The following ENKUR variants were observed in gnomAD, a reference collection of about 807,000 sequenced individuals.
ENKUR encodes the protein enkurin.
A neutral mutation model predicts 27.6 loss-of-function variants in ENKUR; 19 were observed. That is an observed-to-expected ratio of 0.69 (90% CI 0.48 to 1.01). ENKUR has a LOEUF of 1.01. ENKUR is among the 50% of genes least tolerant of loss of function. The pLI, the probability that ENKUR is intolerant of heterozygous loss-of-function variation, is 0.00. For synonymous variants in ENKUR, 117 were observed against 96.9 expected, an observed-to-expected ratio of 1.21 and a Z score of -1.22; for missense variants, 312 against 310.5, an observed-to-expected ratio of 1.00 and a Z score of -0.04.
rs5783912 is a variant in ENKUR at position 24,984,382 on chromosome 10, G to GAAAAAA, written c.765-12_765-7dup. ...TGTGCTGTTGGTATCATGCGCTGCA[G>GAAAAAA]AAAAAAAAAAAAAAAAGTGAAGTTC... On this transcript the variant is annotated splice_polypyrimidine_tract_variant and splice_region_variant and intron_variant, in intron 5 of 5. Coordinates refer to ENST00000331161, the MANE Select transcript of ENKUR (RefSeq NM_145010.4). 1.1e-4 allele frequency: 152 copies of GAAAAAA among 1,398,088 alleles called. No individual in the cohort carries two copies. The highest frequency in any genetic ancestry group is 5.2e-4 in the South Asian group (33 of 63,456). 86.6% of individuals were successfully genotyped at this position (1,398,088 alleles called of 1,614,324 possible).
At chr10:25,000,805 T>C (rs16925223) in intron 1 of ENKUR, among the ~76,000 whole-genome samples, 4,396 of 152,246 alleles carry the variant, frequency 0.029, 226 homozygotes, top group East Asian at 0.24. Context: ...GCTTAAAGTT[T>C]CCAGCTTGCT....
chr10:24,999,674 A>C, intron 1 of ENKUR, 128 bp from the exon 2 acceptor site: 1 of 856,202 alleles, frequency 1.2e-6, no homozygotes, highest in Non-Finnish European at 1.8e-6. Context: ...GCATAATCAT[A>C]AAACATACTT....
At chr10:25,033,825 G>GTA (rs912241465) in intron 2 of ENKUR, among the ~76,000 whole-genome samples, 4 of 148,732 alleles carry the variant, frequency 2.7e-5, no homozygotes, top group East Asian at 2.0e-4. Context: ...GTGTGTGTGT[G>GTA]TCTATCTATC....
At chr10:25,053,203 C>A (rs1030923380) in intron 2 of ENKUR, among the ~76,000 whole-genome samples, 1 of 151,916 alleles carries the variant, frequency 6.6e-6, no homozygotes, top group Non-Finnish European at 1.5e-5. Context: ...TTATGCAGCA[C>A]AAAGTGACAT....
intron 2 of ENKUR, among the ~76,000 whole-genome samples, chr10:25,038,687 T>C (rs1851032236): frequency 6.6e-6 from 1 of 152,230 alleles, no homozygotes; most frequent in Non-Finnish European, 1.5e-5. Context: ...GCAATGATTT[T>C]AATGTAACCA....
At chr10:25,013,767 ACCCCAT>A (rs1850503899) in intron 1 of ENKUR, among the ~76,000 whole-genome samples, 1 of 152,084 alleles carries the variant, frequency 6.6e-6, no homozygotes, top group Non-Finnish European at 1.5e-5. Context: ...CCATGGTGAA[ACCCCAT>A]CCCTACTAAA....
intron 2 of ENKUR, among the ~76,000 whole-genome samples, chr10:25,052,584 C>T (rs1270637414): frequency 2.6e-5 from 4 of 151,932 alleles, no homozygotes; most frequent in Non-Finnish European, 5.9e-5. Flanking sequence ...CTGGGAAACA[C>T]AGTGAGACAT....
intron 2 of ENKUR, among the ~76,000 whole-genome samples, chr10:25,054,840 C>A (rs1397087358): frequency 6.6e-6 from 1 of 151,818 alleles, no homozygotes; most frequent in Non-Finnish European, 1.5e-5. Context: ...CAAAGCCTGG[C>A]TAGTTTTTGT....
At chr10:24,993,944 G>C (rs1183514867) in intron 3 of ENKUR, among the ~76,000 whole-genome samples, 1 of 152,186 alleles carries the variant, frequency 6.6e-6, no homozygotes, top group Non-Finnish European at 1.5e-5. Flanking sequence ...AGAGCCATGA[G>C]AGTGAGTTTT....
upstream of ENKUR, among the ~76,000 whole-genome samples, chr10:25,019,788 G>A (rs984945799): frequency 6.6e-5 from 10 of 152,084 alleles, no homozygotes; most frequent in East Asian, 1.9e-3. Flanking sequence ...AAGACCAAAA[G>A]CCTTGGAGTG....
At chr10:25,025,375 A>T in intron 2 of ENKUR, 2 of 1,614,266 alleles carry the variant, frequency 1.2e-6, no homozygotes, top group Non-Finnish European at 1.7e-6. Flanking sequence ...GCAAGAGAAG[A>T]TGGAGTACCA....
chr10:25,019,004 G>C (rs10828740), upstream of ENKUR, among the ~76,000 whole-genome samples: 29 of 152,082 alleles, frequency 1.9e-4, no homozygotes, highest in Admixed American at 7.2e-4. Flanking sequence ...CCTCACCTCT[G>C]TTTCATGGCA....
chr10:25,036,238 C>G (rs1220667025), intron 2 of ENKUR, among the ~76,000 whole-genome samples: 1 of 152,142 alleles, frequency 6.6e-6, no homozygotes, highest in African/African-American at 2.4e-5. Context: ...ATACTGTTCT[C>G]ATGGTAGTAA....
intron 4 of ENKUR, among the ~76,000 whole-genome samples, chr10:24,985,249 A>G (rs754932110): frequency 5.3e-5 from 8 of 152,214 alleles, no homozygotes; most frequent in Non-Finnish European, 1.0e-4. Context: ...ACAACTTAGA[A>G]TGATATCCTC....
intron 2 of ENKUR, among the ~76,000 whole-genome samples, chr10:25,043,659 C>G (rs1851089103): frequency 6.6e-6 from 1 of 152,064 alleles, no homozygotes; most frequent in African/African-American, 2.4e-5. Context: ...TTTTCAGACA[C>G]TATTTTTTCA....
chr10:25,029,668 A>AT (rs1164723229), intron 2 of ENKUR, among the ~76,000 whole-genome samples: 2 of 152,168 alleles, frequency 1.3e-5, no homozygotes, highest in Non-Finnish European at 2.9e-5. Context: ...TGTAGGCCTC[A>AT]TCTGTGCACT....
chr10:24,993,852 CAG>C (rs1264253651), intron 3 of ENKUR, among the ~76,000 whole-genome samples: 5 of 152,108 alleles, frequency 3.3e-5, no homozygotes, highest in Non-Finnish European at 5.9e-5. Flanking sequence ...AAGGGAGGGG[CAG>C]AGTGTGTGAC....
chr10:24,984,536 G>C, intron 5 of ENKUR, 160 bp from the exon 6 acceptor site: 1 of 1,125,170 alleles, frequency 8.9e-7, no homozygotes, highest in Admixed American at 3.0e-5. Flanking sequence ...TGTGGAAAAC[G>C]TGACACTAGT....
chr10:25,028,512 T>TG (rs1850896236), intron 2 of ENKUR, among the ~76,000 whole-genome samples: 1 of 152,216 alleles, frequency 6.6e-6, no homozygotes, highest in African/African-American at 2.4e-5. Context: ...TTCCTCTTGT[T>TG]TCTTCAACTT....
Sources: gnomAD v4.1 joint callset for allele counts (sites outside exome capture counted in the v4.1 genomes callset) on GRCh38, gnomAD v4.1.1 for gene constraint, MANE v1.5 for transcripts, NCBI Gene and HGNC (gene_info 2026-07-23, HGNC 2026-07-21) for gene names.